The following GSDME variants were observed in gnomAD, a reference collection of about 807,000 sequenced individuals.
GSDME encodes gasdermin E.
In GSDME, 44 loss-of-function variants were observed where a neutral mutation model predicts 47.5. The ratio of observed to expected loss-of-function variants is 0.93; its 90% confidence interval spans 0.73 to 1.19. GSDME has a LOEUF of 1.19. GSDME is among the 50% of genes most tolerant of loss of function. The probability of loss-of-function intolerance (pLI) is 0.00; values close to 1 mark genes in which losing one functional copy is unlikely to be tolerated. For missense variants in GSDME, 663 were observed against 604.2 expected (o/e 1.10, Z -1.02); for synonymous variants, 258 against 252.8 (o/e 1.02, Z -0.20).
In GSDME at chr7:24,707,862, T is replaced by C. The variant is rs114281522; in HGVS notation, c.990+265A>G. 9.2e-4 allele frequency: 526 copies of C among 573,894 alleles called. 8 individuals are homozygous for C. The highest frequency in any genetic ancestry group is 9.1e-3 in the African/African-American group (488 of 53,676). 35.6% of individuals were successfully genotyped at this position (573,894 alleles called of 1,614,324 possible). On this transcript the variant is annotated intron_variant, in intron 7 of 9. Transcript: ENST00000645220. ...CTGCAGACACCTAGACTTTGGACTT[T>C]TGGGCTCCAAAACTATGAGAGAATA...
chr7:24,791,933 C>T, the GSDME span, among the ~76,000 whole-genome samples: 1 of 152,188 alleles, frequency 6.6e-6, no homozygotes, highest in Non-Finnish European at 1.5e-5. This position sits in a 1 kb window ranked among gnomAD's most constrained non-coding sequence, Gnocchi z 4.8. Context: ...CCCTCGGGGG[C>T]TGACCCACAG....
At chr7:24,706,699 C>T (rs1374890050) in intron 7 of GSDME, among the ~76,000 whole-genome samples, 1 of 152,236 alleles carries the variant, frequency 6.6e-6, no homozygotes, top group African/African-American at 2.4e-5. Context: ...GGGCGATGTT[C>T]AAGCATCGTC....
At chr7:24,723,622 G>A (rs1030988356) in intron 3 of GSDME, among the ~76,000 whole-genome samples, 1 of 152,218 alleles carries the variant, frequency 6.6e-6, no homozygotes, top group Admixed American at 6.5e-5. Flanking sequence ...TAAAAAAAAA[G>A]AGCCTAGAGA....
chr7:24,764,413 T>G, the GSDME span, among the ~76,000 whole-genome samples: 9 of 152,316 alleles, frequency 5.9e-5, no homozygotes, highest in African/African-American at 2.2e-4. This position sits in a 1 kb window ranked among gnomAD's most constrained non-coding sequence, Gnocchi z 4.4. Context: ...TCAAGCTTCT[T>G]TTTTTCTCCC....
At chr7:24,776,180 CAAAA>C in the GSDME span, among the ~76,000 whole-genome samples, 2 of 70,708 alleles carry the variant, frequency 2.8e-5, no homozygotes, top group Non-Finnish European at 5.4e-5. Context: ...AACTCCATCT[CAAAA>C]AAAAAAAAAA....
intron 5 of GSDME, among the ~76,000 whole-genome samples, chr7:24,711,827 A>G (rs1398577637): frequency 6.6e-6 from 1 of 151,884 alleles, no homozygotes; most frequent in Non-Finnish European, 1.5e-5. Flanking sequence ...AAAAAAAAAA[A>G]AAAAAAGGCA....
the GSDME span, among the ~76,000 whole-genome samples, chr7:24,784,138 T>C: frequency 6.6e-6 from 1 of 152,208 alleles, no homozygotes; most frequent in Non-Finnish European, 1.5e-5. Context: ...TTCTTTACTT[T>C]GATTGAATTT....
At chr7:24,770,440 C>G in the GSDME span, among the ~76,000 whole-genome samples, 2 of 152,082 alleles carry the variant, frequency 1.3e-5, no homozygotes, top group Non-Finnish European at 2.9e-5. The surrounding 1 kb of genome is among the most constrained non-coding windows in gnomAD (Gnocchi z 4.6). Flanking sequence ...ATTATTGAAC[C>G]TGAGGAGAAA....
rs1411321400 is a variant in GSDME, at chr7:24,715,642, T to C, written c.697+1612A>G. The C allele has an allele frequency of 1.3e-5, 4 of 317,226 alleles. No individual in the cohort carries two copies. In the Admixed American group the frequency reaches 1.4e-4, roughly 11 times the overall value. The allele number at this position is 317,226 out of a possible 1,614,324, so 19.7% of individuals were successfully genotyped here. A position where few individuals can be genotyped will look rare whatever the true frequency, so the allele number is the denominator to read the frequency against. ...CAGATAACAGAGACTAGAAGAACAA[T>C]TTGATCCTCTTCATGATGCACTTTT... On this transcript the variant is annotated intron_variant, in intron 5 of 9. Coordinates refer to ENST00000645220, the MANE Select transcript of GSDME (RefSeq NM_001127453.2).
At chr7:24,768,703 T>G in the GSDME span, among the ~76,000 whole-genome samples, 1 of 152,232 alleles carries the variant, frequency 6.6e-6, no homozygotes, top group Non-Finnish European at 1.5e-5. The surrounding 1 kb of genome is among the most constrained non-coding windows in gnomAD (Gnocchi z 5.6). Flanking sequence ...TTTCTATGTG[T>G]GCCATGCTAT....
Position 24,739,862 on chromosome 7 carries a change from A to G in GSDME, c.404+4700T>C, listed in dbSNP as rs915697020. On this transcript the variant is annotated intron_variant, in intron 3 of 9. Transcript: ENST00000645220. This position sits in a 1 kb window ranked among gnomAD's most constrained non-coding sequence, Gnocchi z 5.1. ...ATAATCCTAGCACTTTGGGAGGCTA[A>G]GGCAGGCGGATCACGAGGTCAGGAG... 2.0e-5 allele frequency among the ~76,000 whole-genome samples: 3 copies of G among 152,174 alleles called. No individual in the cohort carries two copies. Among genetic ancestry groups the G allele is most frequent in the Admixed American group, 1.3e-4 (2 of 15,280 alleles).
rs940669800 is a variant in GSDME, at chr7:24,725,084, G to A, written c.405-5866C>T. ...CTTCCTGTACAGCCTGCAGAGCCAT[G>A]AGCCAATTAAACCTCTCTTCTGTAT... On this transcript the variant is annotated intron_variant, in intron 3 of 9. Coordinates refer to ENST00000645220, the MANE Select transcript of GSDME (RefSeq NM_001127453.2). This position sits in a 1 kb window ranked among gnomAD's most constrained non-coding sequence, Gnocchi z 5.1. Among the ~76,000 whole-genome samples the A allele has an allele frequency of 6.6e-5, 10 of 152,196 alleles. No homozygotes were observed. Among genetic ancestry groups the A allele is most frequent in the South Asian group, 2.1e-4 (1 of 4,822 alleles).
At chr7:24,792,967 A>G in the GSDME span, among the ~76,000 whole-genome samples, 1 of 152,174 alleles carries the variant, frequency 6.6e-6, no homozygotes, top group Non-Finnish European at 1.5e-5. Flanking sequence ...TTTGTTTTAA[A>G]TGTGGGACAT....
At chr7:24,788,249 CTCTCGGGT>C in the GSDME span, among the ~76,000 whole-genome samples, 1 of 152,196 alleles carries the variant, frequency 6.6e-6, no homozygotes, top group Admixed American at 6.5e-5. The surrounding 1 kb of genome is among the most constrained non-coding windows in gnomAD (Gnocchi z 4.6). Context: ...CTCTGGGGCT[CTCTCGGGT>C]TCAGCCACTA....
At chr7:24,771,934 T>C in the GSDME span, among the ~76,000 whole-genome samples, 1 of 152,240 alleles carries the variant, frequency 6.6e-6, no homozygotes, top group Admixed American at 6.5e-5. The surrounding 1 kb of genome is among the most constrained non-coding windows in gnomAD (Gnocchi z 4.1). Context: ...GTGGCCTGGC[T>C]ATTATCATCC....
Position 24,705,831 on chromosome 7 carries a change from G to C in GSDME, c.1183+353C>G, listed in dbSNP as rs1013227015. The C allele has an allele frequency of 2.6e-6, 1 of 382,416 alleles. No individual in the cohort carries two copies. The highest frequency in any genetic ancestry group is 3.8e-5 in the Admixed American group (1 of 26,556). The allele number at this position is 382,416 out of a possible 1,614,324, so 23.7% of individuals were successfully genotyped here. On this transcript the variant is annotated intron_variant, in intron 8 of 9. Transcript: ENST00000645220. This position sits in a 1 kb window ranked among gnomAD's most constrained non-coding sequence, Gnocchi z 4.1. ...TGCTGGAGGAGAGCAGTTGGCAAAT[G>C]AAAGTTGCTGCCACTCAGCTCTGCT...
Position 24,739,433 on chromosome 7 carries a change from C to G in GSDME, c.404+5129G>C, listed in dbSNP as rs561854797. On this transcript the variant is annotated intron_variant, in intron 3 of 9. Coordinates refer to ENST00000645220, the MANE Select transcript of GSDME (RefSeq NM_001127453.2). This position sits in a 1 kb window ranked among gnomAD's most constrained non-coding sequence, Gnocchi z 5.1. ...AATCAAAACTACAATGAGTTATCAC[C>G]TCACCCTGGTTAAAATGGCTTTTAT... 2.9e-4 allele frequency among the ~76,000 whole-genome samples: 44 copies of G among 152,128 alleles called. No individual in the cohort carries two copies. Among genetic ancestry groups the G allele is most frequent in the Middle Eastern group, 3.4e-3 (1 of 294 alleles).
chr7:24,759,306 C>A (rs1791128677), upstream of GSDME, among the ~76,000 whole-genome samples: 1 of 152,190 alleles, frequency 6.6e-6, no homozygotes, highest in Non-Finnish European at 1.5e-5. Flanking sequence ...CAAAAAGCCC[C>A]AGTCCTCTAT....
At chr7:24,777,422 C>T in the GSDME span, among the ~76,000 whole-genome samples, 11 of 152,264 alleles carry the variant, frequency 7.2e-5, no homozygotes, top group African/African-American at 1.7e-4. Flanking sequence ...TGGAAGTTTG[C>T]GGTTTTATAG....
Sources: gnomAD v4.1 joint callset for allele counts (sites outside exome capture counted in the v4.1 genomes callset) on GRCh38, gnomAD v4.1.1 for gene constraint, Gnocchi (gnomAD v3.1) non-coding constraint, MANE v1.5 for transcripts, NCBI Gene and HGNC (gene_info 2026-07-23, HGNC 2026-07-21) for gene names.